The following STK32C variants were observed in gnomAD, a reference collection of about 807,000 sequenced individuals.
STK32C encodes serine/threonine-protein kinase 32C.
In STK32C, 31 loss-of-function variants were observed where a neutral mutation model predicts 56.5. The ratio of observed to expected loss-of-function variants is 0.55; its 90% CI spans 0.41 to 0.74. The LOEUF (loss-of-function observed/expected upper bound fraction) is 0.74, where lower values mean the gene tolerates loss of function less well. Among genes scored for constraint, STK32C ranks in the 30% least tolerant of loss-of-function variants. The pLI is 0.00. For missense variants in STK32C, 544 were observed against 676.9 expected, an observed-to-expected ratio of 0.80 and a Z score of 2.18; for synonymous variants, 309 against 289.4, an observed-to-expected ratio of 1.07 and a Z score of -0.69.
chr10:132,261,975 C>G (rs1016511402), intron 1 of STK32C, among the ~76,000 whole-genome samples: 15 of 152,216 alleles, frequency 9.9e-5, no homozygotes, highest in African/African-American at 3.4e-4. Context: ...AAAATGAGCT[C>G]AAATAGCCAA....
chr10:132,298,732 G>A (rs746139640), intron 1 of STK32C, among the ~76,000 whole-genome samples: 1 of 152,024 alleles, frequency 6.6e-6, no homozygotes, highest in Non-Finnish European at 1.5e-5. Flanking sequence ...AGTCACCCAG[G>A]CAGTGTGTGG....
At chr10:132,308,098 G>A (rs1264227006), upstream of STK32C, 13 of 169,392 alleles carry the variant, frequency 7.7e-5, no homozygotes, top group Non-Finnish European at 1.3e-4. Context: ...GCTTCGGGAA[G>A]GGTAGGGGCG....
At chr10:132,250,574 G>A (rs112451836) in intron 1 of STK32C, among the ~76,000 whole-genome samples, 2 of 148,890 alleles carry the variant, frequency 1.3e-5, no homozygotes, top group African/African-American at 2.5e-5. Flanking sequence ...GTGTGTGTGA[G>A]GCGCACGGGA....
rs1015318488 is a variant in STK32C at position 132,247,765 on chromosome 10, G to A, written c.263-1810C>T. Among the ~76,000 whole-genome samples, 9 of 152,144 alleles carry A rather than the reference G, an allele frequency of 5.9e-5. No individual in the cohort carries two copies. In the South Asian group the frequency reaches 1.2e-3, roughly 21 times the overall value. On this transcript the variant is annotated intron_variant, in intron 1 of 11. Coordinates refer to ENST00000298630, the MANE Select transcript of STK32C (RefSeq NM_173575.4). ...ACAAGACGGTAGTGGGGCTTGACTC[G>A]CAGAGGTGGGGAGAGCGGTTTGATT...
At chr10:132,306,490 T>C (rs1040119245) in intron 1 of STK32C, among the ~76,000 whole-genome samples, 3 of 152,298 alleles carry the variant, frequency 2.0e-5, no homozygotes, top group African/African-American at 7.2e-5. Flanking sequence ...ACACCATGAA[T>C]CCCCGGTGCC....
chr10:132,269,963 C>T (rs888459730), intron 1 of STK32C, among the ~76,000 whole-genome samples: 42 of 152,260 alleles, frequency 2.8e-4, no homozygotes, highest in African/African-American at 9.2e-4. Context: ...CCACGCCTGA[C>T]GACCTGAGCC....
intron 1 of STK32C, among the ~76,000 whole-genome samples, chr10:132,264,766 A>T (rs2138092477): frequency 6.6e-6 from 1 of 151,986 alleles, no homozygotes; most frequent in Middle Eastern, 3.4e-3. Flanking sequence ...CAGACAGCAC[A>T]GTCTTCTTTT....
intron 10 of STK32C, among the ~76,000 whole-genome samples, chr10:132,210,666 C>T (rs915757659): frequency 1.3e-5 from 2 of 152,262 alleles, no homozygotes; most frequent in African/African-American, 4.8e-5. Context: ...CAGGGATTTG[C>T]TGACGTGCGT....
intron 1 of STK32C, among the ~76,000 whole-genome samples, chr10:132,287,779 A>G (rs570903710): frequency 2.0e-3 from 307 of 152,192 alleles, no homozygotes; most frequent in African/African-American, 7.1e-3. Flanking sequence ...TAAGAGATCC[A>G]TTCTCCCTGA....
downstream of STK32C, among the ~76,000 whole-genome samples, chr10:132,319,242 C>A (rs911215838): frequency 6.6e-6 from 1 of 152,222 alleles, no homozygotes; most frequent in African/African-American, 2.4e-5. Flanking sequence ...AGCCACCACG[C>A]CCAGTCATGA....
chr10:132,252,862 C>T (rs544548395), intron 1 of STK32C, among the ~76,000 whole-genome samples: 3 of 152,290 alleles, frequency 2.0e-5, no homozygotes, highest in Admixed American at 1.3e-4. Flanking sequence ...CTAAGTGACC[C>T]GAGCGTGGGG....
intron 1 of STK32C, among the ~76,000 whole-genome samples, chr10:132,261,318 C>T (rs2064299874): frequency 6.6e-6 from 1 of 152,184 alleles, no homozygotes; most frequent in South Asian, 2.1e-4. Context: ...CAACAATCCA[C>T]AGCATTTTTA....
chr10:132,242,913 AC>A (rs939992233), intron 2 of STK32C, among the ~76,000 whole-genome samples: 1 of 152,024 alleles, frequency 6.6e-6, no homozygotes, highest in Non-Finnish European at 1.5e-5. Flanking sequence ...AAAACGCTGT[AC>A]CCCCACCCAG....
intron 2 of STK32C, among the ~76,000 whole-genome samples, chr10:132,241,777 C>T (rs2063510135): frequency 6.6e-6 from 1 of 152,178 alleles, no homozygotes; most frequent in Admixed American, 6.5e-5. Context: ...GGGCTGTCCA[C>T]AAGCAGCTCC....
At chr10:132,272,332 T>C (rs1214452756) in intron 1 of STK32C, among the ~76,000 whole-genome samples, 1 of 152,220 alleles carries the variant, frequency 6.6e-6, no homozygotes. Flanking sequence ...CGGCGCGTGG[T>C]CTCGGACTTC....
chr10:132,301,717 C>T (rs948063229), intron 1 of STK32C, among the ~76,000 whole-genome samples: 4 of 152,228 alleles, frequency 2.6e-5, no homozygotes, highest in East Asian at 1.9e-4. Flanking sequence ...AGCTGCACGT[C>T]GGCCACGTGT....
chr10:132,227,869 T>A (rs2137729672), intron 3 of STK32C, 108 bp downstream of exon 3: 1 of 1,386,836 alleles, frequency 7.2e-7, no homozygotes, highest in Non-Finnish European at 9.8e-7. Context: ...GGCAGAGGCA[T>A]CTCCGAGGCA....
chr10:132,306,524 A>G (rs2066068052), intron 1 of STK32C, among the ~76,000 whole-genome samples: 1 of 152,176 alleles, frequency 6.6e-6, no homozygotes, highest in African/African-American at 2.4e-5. Context: ...ACGGCGGTGC[A>G]CGGCCCCACA....
intron 1 of STK32C, among the ~76,000 whole-genome samples, chr10:132,272,322 C>T (rs1181849296): frequency 6.6e-6 from 1 of 152,228 alleles, no homozygotes; most frequent in South Asian, 2.1e-4. Context: ...CCAACCCTGC[C>T]GGCGCGTGGT....
Sources: allele counts gnomAD v4.1 joint callset (sites outside exome capture counted in the v4.1 genomes callset), GRCh38; gene constraint gnomAD v4.1.1; transcripts MANE v1.5; gene names NCBI Gene and HGNC (gene_info 2026-07-23, HGNC 2026-07-21).